Variants in ALK observed in about 807,000 individuals in gnomAD.
ALK encodes the protein ALK receptor tyrosine kinase, also known as ALK tyrosine kinase receptor.
A neutral mutation model predicts 163.1 loss-of-function variants in ALK; 74 were observed. The observed-to-expected ratio is 0.45, with a 90% CI of 0.38 to 0.55. The LOEUF is 0.55. Among genes scored for constraint, ALK ranks in the 20% least tolerant of loss-of-function variants. The pLI, the probability that ALK is intolerant of heterozygous loss-of-function variation, is 0.00. For synonymous variants in ALK, 960 were observed against 843.2 expected (o/e 1.14, Z -2.40); for missense variants, 2,063 against 2,105.3 (o/e 0.98, Z 0.39).
chr2:29,516,636 T>C (rs921534119), intron 4 of ALK, among the ~76,000 whole-genome samples: 2 of 152,190 alleles, frequency 1.3e-5, no homozygotes, highest in Non-Finnish European at 2.9e-5. Flanking sequence ...GTGGTGTCTG[T>C]GGGATCAAAT....
chr2:29,199,243 C>T (rs769925416), intron 26 of ALK, among the ~76,000 whole-genome samples: 2 of 152,110 alleles, frequency 1.3e-5, no homozygotes, highest in African/African-American at 2.4e-5. Flanking sequence ...TGTGAAACAC[C>T]GCACCTGGCC....
chr2:29,197,204 T>C (rs1669044341), intron 27 of ALK, among the ~76,000 whole-genome samples: 1 of 152,044 alleles, frequency 6.6e-6, no homozygotes, highest in Admixed American at 6.6e-5. Context: ...TTGCAGGGAA[T>C]GGAAATCTTT....
intron 11 of ALK, among the ~76,000 whole-genome samples, chr2:29,274,792 G>A (rs1402348183): frequency 1.3e-5 from 2 of 152,222 alleles, no homozygotes; most frequent in Non-Finnish European, 2.9e-5. Context: ...TAAGGCGGCA[G>A]TGAATTCAAA....
intron 4 of ALK, among the ~76,000 whole-genome samples, chr2:29,458,160 A>C (rs1671004642): frequency 6.6e-6 from 1 of 152,182 alleles, no homozygotes; most frequent in African/African-American, 2.4e-5. Context: ...GCACACATAC[A>C]TGTACACACA....
intron 1 of ALK, among the ~76,000 whole-genome samples, chr2:29,896,679 CA>C (rs1667281507): frequency 6.6e-6 from 1 of 152,180 alleles, no homozygotes; most frequent in South Asian, 2.1e-4. Flanking sequence ...TTTCTGATGG[CA>C]GCTCTAGCAA....
chr2:29,844,244 G>T (rs1665782191), intron 1 of ALK, among the ~76,000 whole-genome samples: 1 of 152,128 alleles, frequency 6.6e-6, no homozygotes, highest in Non-Finnish European at 1.5e-5. Context: ...AGCAGGGGTG[G>T]GTAAGAGCAA....
At chr2:29,450,266 T>A (rs1047830912) in intron 4 of ALK, among the ~76,000 whole-genome samples, 51 of 152,188 alleles carry the variant, frequency 3.4e-4, no homozygotes, top group African/African-American at 1.0e-3. Context: ...TTCTGAGGAT[T>A]CCACATAAAC....
intron 1 of ALK, among the ~76,000 whole-genome samples, chr2:29,788,685 A>T (rs373348949): frequency 6.6e-6 from 1 of 152,170 alleles, no homozygotes; most frequent in Non-Finnish European, 1.5e-5. Context: ...ACAGAAAGGG[A>T]CAGGAAGAGC....
intron 3 of ALK, among the ~76,000 whole-genome samples, chr2:29,691,277 A>G (rs1366374046): frequency 1.3e-5 from 2 of 152,206 alleles, no homozygotes; most frequent in Admixed American, 6.5e-5. Flanking sequence ...TGACTGATCC[A>G]TGCTGTGTGA....
chr2:29,802,825 TGAG>T (rs1043671651), intron 1 of ALK, among the ~76,000 whole-genome samples: 1 of 149,590 alleles, frequency 6.7e-6, no homozygotes, highest in Non-Finnish European at 1.5e-5. Context: ...TTTATAATAA[TGAG>T]GAGAAGGAGG....
intron 1 of ALK, among the ~76,000 whole-genome samples, chr2:29,911,566 A>T (rs1484451874): frequency 6.6e-6 from 1 of 152,228 alleles, no homozygotes; most frequent in African/African-American, 2.4e-5. Context: ...TCCTAAAGAG[A>T]GCTGGAGAAG....
rs139204957 is a variant in ALK at position 29,471,932 on chromosome 2, G to A, written c.1154+59983C>T. Among the ~76,000 whole-genome samples, 1,493 of 152,234 alleles carry A rather than the reference G, an allele frequency of 9.8e-3. 13 individuals are homozygous for A. The highest frequency in any genetic ancestry group is 0.024 in the Middle Eastern group (7 of 294). On this transcript the variant is annotated intron_variant, in intron 4 of 28. Transcript: ENST00000389048. ...AATTTTTTGTGTTTTTAGTAGAGAT[G>A]GGGTTTTACCATGTTGGCCAGGCTG...
chr2:29,604,642 G>T (rs1490983626), intron 3 of ALK, among the ~76,000 whole-genome samples: 2 of 152,192 alleles, frequency 1.3e-5, no homozygotes, highest in Admixed American at 1.3e-4. Flanking sequence ...AAAGGGAAAA[G>T]AGGTCTGATG....
At chr2:29,585,495 T>G (rs996055574) in intron 3 of ALK, among the ~76,000 whole-genome samples, 2 of 152,048 alleles carry the variant, frequency 1.3e-5, no homozygotes, top group African/African-American at 4.8e-5. Flanking sequence ...CCTGGCTATT[T>G]TTTTATATTT....
intron 6 of ALK, among the ~76,000 whole-genome samples, chr2:29,325,302 G>A (rs1250212960): frequency 2.0e-5 from 3 of 152,194 alleles, no homozygotes; most frequent in Middle Eastern, 3.2e-3. Context: ...GTAGTCAAGA[G>A]TATTTTCCTA....
intron 1 of ALK, among the ~76,000 whole-genome samples, chr2:29,806,012 G>A (rs1042484706): frequency 7.9e-5 from 12 of 152,226 alleles, no homozygotes; most frequent in African/African-American, 2.4e-4. Context: ...AGGTGAAATG[G>A]AGGGGTGTCT....
At chr2:29,321,234 G>A (rs990655097) in intron 6 of ALK, among the ~76,000 whole-genome samples, 9 of 152,188 alleles carry the variant, frequency 5.9e-5, no homozygotes, top group Admixed American at 3.3e-4. Flanking sequence ...GTTAGGACTC[G>A]AACCCAGGTC....
chr2:29,596,856 C>A (rs969666059), intron 3 of ALK, among the ~76,000 whole-genome samples: 1 of 152,226 alleles, frequency 6.6e-6, no homozygotes, highest in African/African-American at 2.4e-5. Flanking sequence ...CTGTGGACTG[C>A]AGACTGCTTG....
At chr2:29,735,923 G>C (rs1384572743) in intron 1 of ALK, among the ~76,000 whole-genome samples, 38 of 152,068 alleles carry the variant, frequency 2.5e-4, no homozygotes, top group Admixed American at 2.5e-3. Flanking sequence ...ACAGCAGTGT[G>C]AGAAGGGACT....
Sources: gnomAD v4.1 joint callset for allele counts (sites outside exome capture counted in the v4.1 genomes callset) on GRCh38, gnomAD v4.1.1 for gene constraint, MANE v1.5 for transcripts, NCBI Gene and HGNC (gene_info 2026-07-23, HGNC 2026-07-21) for gene names.